Variants in TBC1D32 observed in about 807,000 individuals in gnomAD.
The protein encoded by TBC1D32 is protein broad-minded.
TBC1D32 carries 151 observed loss-of-function variants against 170.3 expected under a neutral mutation model. The ratio of observed to expected loss-of-function variants is 0.89; its 90% CI spans 0.78 to 1.01. TBC1D32 has a LOEUF of 1.01. TBC1D32 is among the 50% of genes least tolerant of loss of function. TBC1D32 has a pLI of 0.00. For synonymous variants in TBC1D32, 498 were observed against 488.0 expected, an observed-to-expected ratio of 1.02 and a Z score of -0.27; for missense variants, 1,464 against 1,457.1, an observed-to-expected ratio of 1.00 and a Z score of -0.08.
intron 22 of TBC1D32, among the ~76,000 whole-genome samples, chr6:121,188,536 C>A (rs890619601): frequency 3.9e-5 from 6 of 151,900 alleles, no homozygotes; most frequent in African/African-American, 1.2e-4. Context: ...GCTTCTAAAT[C>A]CCTAAAGATA....
chr6:121,082,329 A>G (rs1015240501), intron 31 of TBC1D32, among the ~76,000 whole-genome samples: 3 of 152,082 alleles, frequency 2.0e-5, no homozygotes, highest in African/African-American at 7.2e-5. Context: ...CTTTGGGGAA[A>G]AAATAGGATC....
chr6:121,181,737 A>T (rs1224381098), intron 22 of TBC1D32, among the ~76,000 whole-genome samples: 1 of 152,148 alleles, frequency 6.6e-6, no homozygotes, highest in Non-Finnish European at 1.5e-5. Context: ...AGTGTCCATC[A>T]ACAAATAAAT....
intron 1 of TBC1D32, among the ~76,000 whole-genome samples, chr6:121,326,767 A>G (rs1333033925): frequency 6.6e-6 from 1 of 151,826 alleles, no homozygotes; most frequent in African/African-American, 2.4e-5. Context: ...AGAATCTTCT[A>G]GGGAAAAAAA....
chr6:121,120,726 T>A (rs1780171216), intron 26 of TBC1D32, among the ~76,000 whole-genome samples: 1 of 152,038 alleles, frequency 6.6e-6, no homozygotes, highest in African/African-American at 2.4e-5. Context: ...AGAGAACAGT[T>A]ATAGGGTTGA....
At chr6:121,110,143 C>G (rs945348654) in intron 29 of TBC1D32, among the ~76,000 whole-genome samples, 1 of 151,144 alleles carries the variant, frequency 6.6e-6, no homozygotes, top group Admixed American at 6.6e-5. Context: ...CCCAGCTACT[C>G]GGGAGGCTGA....
intron 12 of TBC1D32, among the ~76,000 whole-genome samples, chr6:121,288,590 AC>A (rs1804281600): frequency 6.6e-6 from 1 of 152,202 alleles, no homozygotes; most frequent in Non-Finnish European, 1.5e-5. Context: ...AGGAGCTGGT[AC>A]CATTCCTTCT....
At chr6:121,253,421 C>T (rs1165758907) in intron 17 of TBC1D32, among the ~76,000 whole-genome samples, 7 of 151,966 alleles carry the variant, frequency 4.6e-5, no homozygotes, top group African/African-American at 1.7e-4. Flanking sequence ...AAAAAAAGGC[C>T]GTAATTAAAA....
At chr6:121,319,109 T>G (rs1809333315) in intron 2 of TBC1D32, among the ~76,000 whole-genome samples, 1 of 150,896 alleles carries the variant, frequency 6.6e-6, no homozygotes, top group Non-Finnish European at 1.5e-5. Flanking sequence ...GAACTAAAAG[T>G]TTTAAAATAT....
chr6:121,130,456 T>G (rs1412547329), intron 25 of TBC1D32, among the ~76,000 whole-genome samples: 1 of 152,176 alleles, frequency 6.6e-6, no homozygotes, highest in Non-Finnish European at 1.5e-5. Context: ...CACTCCAGCC[T>G]GGACGACAGA....
chr6:121,101,013 T>A (rs1225435817), intron 30 of TBC1D32, among the ~76,000 whole-genome samples: 1 of 151,998 alleles, frequency 6.6e-6, no homozygotes, highest in Non-Finnish European at 1.5e-5. Context: ...CCTGGACACA[T>A]ACACCCTCCC....
At chr6:121,212,028 C>CACACACAT (rs1179203925) in intron 21 of TBC1D32, among the ~76,000 whole-genome samples, 2 of 143,136 alleles carry the variant, frequency 1.4e-5, no homozygotes, top group Admixed American at 6.9e-5. Context: ...CACACACACA[C>CACACACAT]GACAAAAGGG....
At chr6:121,184,787 T>C (rs145555573) in intron 22 of TBC1D32, among the ~76,000 whole-genome samples, 1 of 151,966 alleles carries the variant, frequency 6.6e-6, no homozygotes, top group Non-Finnish European at 1.5e-5. Flanking sequence ...ACTATTCTTA[T>C]TTTGTGATCC....
intron 12 of TBC1D32, among the ~76,000 whole-genome samples, chr6:121,291,472 C>T (rs4585597): frequency 0.033 from 4,987 of 152,136 alleles, 191 homozygotes; most frequent in East Asian, 0.12. Flanking sequence ...TGTTCCCTGC[C>T]ATATACTATA....
chr6:121,240,886 AAAAAAAAAAAAAG>A (rs1460363505), intron 19 of TBC1D32, among the ~76,000 whole-genome samples: 1 of 151,640 alleles, frequency 6.6e-6, no homozygotes, highest in East Asian at 1.9e-4. Context: ...ACAAAAAAAA[AAAAAAAAAAAAAG>A]ACATACTAAA....
At position 121,090,846 on chromosome 6, in the gene TBC1D32, T is replaced by A; in HGVS notation, c.3654+7A>T. The A allele has an allele frequency of 6.2e-7, 1 of 1,607,472 alleles. No homozygotes were observed. Among genetic ancestry groups the A allele is most frequent in the Non-Finnish European group, 8.5e-7 (1 of 1,178,268 alleles). On this transcript the variant is annotated splice_region_variant and intron_variant, in intron 31 of 31. Coordinates refer to ENST00000398212, the MANE Select transcript of TBC1D32 (RefSeq NM_152730.6). Reference sequence around the variant, plus strand: ...CAACATTTTCCTCTCCATATAAACATACTTACTTTTAGGAAAACTTGCAGA... The same window carrying A: ...CAACATTTTCCTCTCCATATAAACAAACTTACTTTTAGGAAAACTTGCAGA...
intron 31 of TBC1D32, among the ~76,000 whole-genome samples, chr6:121,082,312 C>CT (rs1775721042): frequency 6.6e-6 from 1 of 151,968 alleles, no homozygotes; most frequent in East Asian, 1.9e-4. Context: ...AAATATTTCA[C>CT]TTTTTTCTTT....
chr6:121,234,196 T>A (rs887388048), intron 20 of TBC1D32, among the ~76,000 whole-genome samples: 3 of 152,186 alleles, frequency 2.0e-5, no homozygotes, highest in African/African-American at 7.2e-5. Context: ...GCCTAGGCAA[T>A]GATCTTTTTG....
intron 24 of TBC1D32, among the ~76,000 whole-genome samples, chr6:121,147,871 C>T (rs1375132130): frequency 2.0e-5 from 3 of 150,106 alleles, no homozygotes; most frequent in East Asian, 3.9e-4. Flanking sequence ...GGATTACAGG[C>T]GTGAGCCACC....
chr6:121,233,520 A>ATAGC (rs1271085387), intron 20 of TBC1D32, among the ~76,000 whole-genome samples: 2 of 152,138 alleles, frequency 1.3e-5, no homozygotes, highest in African/African-American at 4.8e-5. Context: ...TGATATAAGA[A>ATAGC]TAGCTACTCC....
Sources: gnomAD v4.1 joint callset for allele counts (sites outside exome capture counted in the v4.1 genomes callset) on GRCh38, gnomAD v4.1.1 for gene constraint, MANE v1.5 for transcripts, NCBI Gene and HGNC (gene_info 2026-07-23, HGNC 2026-07-21) for gene names.